The following ITFG1 variants were observed in gnomAD, a reference collection of about 807,000 sequenced individuals.
The protein encoded by ITFG1 is T-cell immunomodulatory protein.
A neutral mutation model predicts 81.8 loss-of-function variants in ITFG1; 34 were observed. The observed-to-expected ratio is 0.42, with a 90% CI of 0.32 to 0.55. ITFG1 has a LOEUF of 0.55. Ranked by LOEUF, ITFG1 falls within the 20% of genes least tolerant of loss-of-function variation. The pLI is 0.17. For synonymous variants in ITFG1, 285 were observed against 270.6 expected (o/e 1.05, Z -0.52); for missense variants, 672 against 755.4 (o/e 0.89, Z 1.29).
chr16:47,348,092 A>G (rs767986196), intron 8 of ITFG1, among the ~76,000 whole-genome samples: 23 of 152,226 alleles, frequency 1.5e-4, no homozygotes, highest in Non-Finnish European at 2.4e-4. Flanking sequence ...AAAGGTAGAT[A>G]AAACCACAAA....
At chr16:47,308,089 A>G (rs947446395) in intron 10 of ITFG1, among the ~76,000 whole-genome samples, 1 of 152,184 alleles carries the variant, frequency 6.6e-6, no homozygotes, top group African/African-American at 2.4e-5. Flanking sequence ...GCTATTGTGA[A>G]TAGTGCCGCA....
intron 6 of ITFG1, among the ~76,000 whole-genome samples, chr16:47,427,425 G>A (rs964839531): frequency 1.3e-5 from 2 of 152,182 alleles, no homozygotes; most frequent in Non-Finnish European, 2.9e-5. Context: ...GGGAGTCTGA[G>A]GTGGGTGAAT....
chr16:47,174,963 T>C (rs1447197291), intron 14 of ITFG1, among the ~76,000 whole-genome samples: 1 of 152,192 alleles, frequency 6.6e-6, no homozygotes, highest in Non-Finnish European at 1.5e-5. Context: ...TAATCAATAT[T>C]TTGTGTAACT....
intron 6 of ITFG1, among the ~76,000 whole-genome samples, chr16:47,378,261 T>C (rs558430404): frequency 6.6e-6 from 1 of 152,218 alleles, no homozygotes; most frequent in Non-Finnish European, 1.5e-5. Flanking sequence ...TTTGAAACTC[T>C]TAACCCATTT....
At chr16:47,449,842 C>T (rs532630452) in intron 5 of ITFG1, 3 of 152,214 alleles carry the variant, frequency 2.0e-5, no homozygotes, top group South Asian at 2.1e-4. Context: ...ATAGTTTTCT[C>T]GCAGATTAAG....
At chr16:47,177,290 C>T (rs1241681466) in intron 14 of ITFG1, among the ~76,000 whole-genome samples, 3 of 152,120 alleles carry the variant, frequency 2.0e-5, no homozygotes, top group Non-Finnish European at 1.5e-5. Flanking sequence ...TTAAAATCTT[C>T]CCGGCTATAC....
At chr16:47,403,643 G>A (rs1244134584) in intron 6 of ITFG1, among the ~76,000 whole-genome samples, 2 of 152,056 alleles carry the variant, frequency 1.3e-5, no homozygotes, top group Non-Finnish European at 1.5e-5. Context: ...AGTTGTACAG[G>A]AGAACATCCT....
intron 7 of ITFG1, among the ~76,000 whole-genome samples, chr16:47,374,586 T>C (rs1265329838): frequency 6.6e-6 from 1 of 152,178 alleles, no homozygotes; most frequent in Non-Finnish European, 1.5e-5. Context: ...GTGGTAGCAA[T>C]GAAAGGCCAC....
intron 7 of ITFG1, among the ~76,000 whole-genome samples, chr16:47,371,859 C>A (rs527830437): frequency 6.6e-6 from 1 of 151,606 alleles, no homozygotes; most frequent in East Asian, 1.9e-4. Flanking sequence ...GATGTGCCAA[C>A]GCTGAAAAAT....
At chr16:47,304,374 TA>T (rs539913014) in intron 10 of ITFG1, among the ~76,000 whole-genome samples, 75 of 152,296 alleles carry the variant, frequency 4.9e-4, no homozygotes, top group African/African-American at 1.8e-3. Flanking sequence ...ACAGGTCAAG[TA>T]AGTGACAAAA....
intron 10 of ITFG1, chr16:47,263,509 G>A (rs1390796498): frequency 9.6e-6 from 3 of 314,034 alleles, no homozygotes; most frequent in African/African-American, 4.5e-5. Flanking sequence ...CAGGAGGGAG[G>A]GTGATGTAGC....
At chr16:47,426,362 G>T (rs1316623216) in intron 6 of ITFG1, 1 of 151,500 alleles carries the variant, frequency 6.6e-6, no homozygotes, top group Non-Finnish European at 1.5e-5. Context: ...AAAAGGAATT[G>T]TAAGAAACAA....
At chr16:47,418,817 A>G (rs1439185383) in intron 6 of ITFG1, among the ~76,000 whole-genome samples, 4 of 152,174 alleles carry the variant, frequency 2.6e-5, no homozygotes, top group Non-Finnish European at 5.9e-5. Context: ...TTTTAAACTC[A>G]GGCAGTGTGA....
Position 47,347,352 on chromosome 16 carries a change from C to T in ITFG1, c.802+18436G>A, listed in dbSNP as rs986760646. ...AATCGGGTCACTCCCACCCTAATAC[C>T]GCGCTTTTCCAATGGTCTTAGCAAA... is the stretch of plus-strand genomic sequence containing the variant. On this transcript the variant is annotated intron_variant, in intron 8 of 17. Transcript: ENST00000320640. 5.3e-5 allele frequency among the ~76,000 whole-genome samples: 8 copies of T among 152,252 alleles called. No homozygotes were observed. In the East Asian group the frequency reaches 5.8e-4, roughly 11 times the overall value.
intron 16 of ITFG1, among the ~76,000 whole-genome samples, chr16:47,159,478 T>A (rs1475056882): frequency 6.6e-6 from 1 of 152,176 alleles, no homozygotes; most frequent in Non-Finnish European, 1.5e-5. Flanking sequence ...TGATGGCTTG[T>A]GCAAAACTTC....
chr16:47,365,566 A>G, intron 8 of ITFG1: 1 of 441,074 alleles, frequency 2.3e-6, no homozygotes, highest in Non-Finnish European at 4.0e-6. Flanking sequence ...TGCAAACAGT[A>G]TCAAACTATT....
At position 47,375,944 on chromosome 16, in the gene ITFG1, G is replaced by A. The variant is rs1421675796; in HGVS notation, c.656-4C>T. Reference sequence around the variant, plus strand: ...TTCAATGTCGTCAGGAATAAATCTAGAAGGAAAAATAATAAAAACGTAAAG... The same window carrying A: ...TTCAATGTCGTCAGGAATAAATCTAAAAGGAAAAATAATAAAAACGTAAAG... On this transcript the variant is annotated splice_region_variant and splice_polypyrimidine_tract_variant and intron_variant, in intron 6 of 17. Transcript: ENST00000320640. 1 of 1,588,672 alleles carries A rather than the reference G, an allele frequency of 6.3e-7. No homozygotes were observed. The highest frequency in any genetic ancestry group is 8.6e-7 in the Non-Finnish European group (1 of 1,159,958).
At chr16:47,255,714 C>A (rs1966131101) in intron 12 of ITFG1, among the ~76,000 whole-genome samples, 1 of 152,086 alleles carries the variant, frequency 6.6e-6, no homozygotes, top group Non-Finnish European at 1.5e-5. Flanking sequence ...GTTAGGCACC[C>A]AGCAATCAAA....
In ITFG1 at chr16:47,162,756, T is replaced by C. The variant is rs1014893681; in HGVS notation, c.1454-92A>G. On this transcript the variant is annotated intron_variant, in intron 14 of 17. Coordinates refer to ENST00000320640, the MANE Select transcript of ITFG1 (RefSeq NM_030790.5). ...AATGATAAAATGTTAAAAATTTAGG[T>C]ACTGGAATGTATCACGTTTCAAAAT... The C allele has an allele frequency of 1.3e-5, 14 of 1,062,226 alleles. No individual in the cohort carries two copies. The African/African-American group carries it at 1.9e-4, about 15-fold the overall frequency. The allele number at this position is 1,062,226 out of a possible 1,614,324, so 65.8% of individuals were successfully genotyped here.
Sources: allele counts gnomAD v4.1 joint callset (sites outside exome capture counted in the v4.1 genomes callset), GRCh38; gene constraint gnomAD v4.1.1; transcripts MANE v1.5; gene names NCBI Gene and HGNC (gene_info 2026-07-23, HGNC 2026-07-21).